Variants in CHN1 observed in about 807,000 individuals in gnomAD.
CHN1 encodes N-chimaerin.
CHN1 carries 37 observed loss-of-function variants against 59.5 expected under a neutral mutation model. The observed-to-expected ratio is 0.62, with a 90% CI of 0.48 to 0.82. The LOEUF is 0.82. Ranked by LOEUF, CHN1 falls within the 40% of genes least tolerant of loss-of-function variation. The pLI, the probability that CHN1 is intolerant of heterozygous loss-of-function variation, is 0.00. For synonymous variants in CHN1, 206 were observed against 200.4 expected (o/e 1.03, Z -0.24); for missense variants, 469 against 571.0 (o/e 0.82, Z 1.82).
chr2:174,819,862 T>G (rs947865394), intron 8 of CHN1, among the ~76,000 whole-genome samples: 1 of 131,928 alleles, frequency 7.6e-6, no homozygotes, highest in East Asian at 2.4e-4. Context: ...CCCCTTCCTG[T>G]GTCCATGTGT....
chr2:174,954,353 A>C (rs1375001375), intron 1 of CHN1, among the ~76,000 whole-genome samples: 1 of 152,164 alleles, frequency 6.6e-6, no homozygotes, highest in African/African-American at 2.4e-5. Flanking sequence ...AGAAGATAAC[A>C]TTGGAAAACC....
chr2:174,918,510 C>T (rs370313593), intron 4 of CHN1, 24 bp downstream of exon 4: 20 of 1,556,858 alleles, frequency 1.3e-5, no homozygotes, highest in South Asian at 6.0e-5. Flanking sequence ...ATCTATAAAA[C>T]GTTTTCTAAT....
At chr2:174,811,896 AT>A (rs1685087965) in intron 9 of CHN1, among the ~76,000 whole-genome samples, 1 of 152,214 alleles carries the variant, frequency 6.6e-6, no homozygotes, top group African/African-American at 2.4e-5. Context: ...CTAAGATAAA[AT>A]ATAGGCCTGT....
At chr2:174,888,914 G>T (rs1687968707) in intron 5 of CHN1, among the ~76,000 whole-genome samples, 1 of 152,202 alleles carries the variant, frequency 6.6e-6, no homozygotes, top group South Asian at 2.1e-4. Context: ...AGCCAGTGCA[G>T]CCCGGTGTGA....
intron 3 of CHN1, among the ~76,000 whole-genome samples, chr2:174,942,622 T>G (rs1289490167): frequency 6.6e-6 from 1 of 152,132 alleles, no homozygotes; most frequent in Non-Finnish European, 1.5e-5. Context: ...TGTGAATGTC[T>G]CAACACAAAG....
intron 4 of CHN1, among the ~76,000 whole-genome samples, chr2:174,915,610 C>A (rs920888201): frequency 6.6e-6 from 1 of 151,966 alleles, no homozygotes; most frequent in South Asian, 2.1e-4. Context: ...TGGCAATTTT[C>A]CAGGACCCTG....
At chr2:174,886,348 A>C (rs1464901642) in intron 5 of CHN1, among the ~76,000 whole-genome samples, 1 of 152,216 alleles carries the variant, frequency 6.6e-6, no homozygotes, top group Admixed American at 6.5e-5. Flanking sequence ...TGAATACAGA[A>C]ATATCCCAAA....
At chr2:174,950,778 T>C (rs890856542) in intron 2 of CHN1, among the ~76,000 whole-genome samples, 2 of 110,536 alleles carry the variant, frequency 1.8e-5, no homozygotes, top group African/African-American at 1.0e-4. Flanking sequence ...TGCAGAGAAG[T>C]TTTTTTTTTT....
rs1455620861 is a variant in CHN1 at position 174,926,740 on chromosome 2, T to C, written c.115-8175A>G. ...ATCAAAGACTCAAGAATGCAACCAT[T>C]TGTCTCTTATCTACCCACACCATTT... On this transcript the variant is annotated intron_variant, in intron 3 of 12. Coordinates refer to ENST00000409900, the MANE Select transcript of CHN1 (RefSeq NM_001822.7). 3.9e-5 allele frequency among the ~76,000 whole-genome samples: 6 copies of C among 152,082 alleles called. 1 individual carries two copies. The South Asian group carries it at 6.2e-4, about 16-fold the overall frequency.
In CHN1 at chr2:174,812,353, C is replaced by A. The variant is rs1386602751; in HGVS notation, c.842G>T (p.Arg281Leu). 1 of 1,613,738 alleles carries A rather than the reference C, an allele frequency of 6.2e-7. No individual in the cohort carries two copies. The highest frequency in any genetic ancestry group is 1.3e-5 in the African/African-American group (1 of 74,920). ...GATGCACATGTCTACCACCATTGGC[C>A]GCTTAGTGGTATGTGCTTTCACGAG... ...TTLVKAHTTK[R>L]PMVVDMCIRE... The change falls in exon 9 of 13, where the codon CGG becomes CTG. Residue 281 changes from arginine to leucine, a missense_variant. Physicochemically the swap from Arg to Leu is moderately radical, Grantham distance 102. This residue lies in a region of CHN1 where 225 missense variants were observed against 289.9 expected (regional missense o/e 0.78). Coordinates refer to ENST00000409900, the MANE Select transcript of CHN1 (RefSeq NM_001822.7).
intron 1 of CHN1, among the ~76,000 whole-genome samples, chr2:174,994,567 T>C (rs1220937447): frequency 2.0e-5 from 3 of 152,078 alleles, no homozygotes; most frequent in African/African-American, 7.2e-5. Context: ...AACTATTACG[T>C]CACCACACAA....
At chr2:174,836,854 A>G (rs897161520) in intron 7 of CHN1, among the ~76,000 whole-genome samples, 4 of 152,122 alleles carry the variant, frequency 2.6e-5, no homozygotes, top group African/African-American at 7.2e-5. Context: ...CTTTTTTCAA[A>G]CAGTCTGTCT....
chr2:174,976,653 C>A (rs944858358), intron 1 of CHN1, among the ~76,000 whole-genome samples: 1 of 152,330 alleles, frequency 6.6e-6, no homozygotes, highest in African/African-American at 2.4e-5. Flanking sequence ...CTTGCACTTG[C>A]ATCTTCAAAA....
At chr2:174,817,537 C>T (rs925895013) in intron 8 of CHN1, among the ~76,000 whole-genome samples, 1 of 151,066 alleles carries the variant, frequency 6.6e-6, no homozygotes, top group African/African-American at 2.4e-5. Flanking sequence ...AATCTTGGCT[C>T]ACTGCAACCT....
At chr2:174,818,808 C>G (rs1685371963) in intron 8 of CHN1, among the ~76,000 whole-genome samples, 3 of 152,192 alleles carry the variant, frequency 2.0e-5, no homozygotes, top group African/African-American at 7.2e-5. Flanking sequence ...TTCAGACTTT[C>G]TGGGGCTTGA....
At chr2:174,821,921 T>C in intron 8 of CHN1, 1 of 265,322 alleles carries the variant, frequency 3.8e-6, no homozygotes, top group Non-Finnish European at 7.8e-6. Flanking sequence ...ACAAGGAATG[T>C]TGTTCTGGGA....
At chr2:174,969,811 G>A (rs542958011) in intron 1 of CHN1, among the ~76,000 whole-genome samples, 135 of 151,712 alleles carry the variant, frequency 8.9e-4, no homozygotes, top group Non-Finnish European at 1.1e-3. Context: ...GGATTTTTTT[G>A]TCATCTGTTG....
At chr2:174,841,992 G>A (rs185282581) in intron 7 of CHN1, among the ~76,000 whole-genome samples, 1 of 152,118 alleles carries the variant, frequency 6.6e-6, no homozygotes, top group African/African-American at 2.4e-5. Context: ...ATTTCATTTT[G>A]AAAACTCACA....
At chr2:174,933,369 G>A (rs1022884126) in intron 3 of CHN1, among the ~76,000 whole-genome samples, 8 of 152,058 alleles carry the variant, frequency 5.3e-5, no homozygotes, top group African/African-American at 1.9e-4. Context: ...GAAATAGACT[G>A]TGGGGGCAAA....
Sources: allele counts gnomAD v4.1 joint callset (sites outside exome capture counted in the v4.1 genomes callset), GRCh38; gene constraint gnomAD v4.1.1; regional missense constraint gnomAD v4.1.1; transcripts MANE v1.5; gene names NCBI Gene and HGNC (gene_info 2026-07-23, HGNC 2026-07-21).